Variants in CAPN13 observed in about 807,000 individuals in gnomAD.
CAPN13 encodes the protein calpain 13.
CAPN13 carries 90 observed loss-of-function variants against 98.4 expected under a neutral mutation model. That is an observed-to-expected ratio of 0.92 (90% CI 0.77 to 1.09). CAPN13 has a LOEUF of 1.09. CAPN13 is among the 50% of genes least tolerant of loss of function. The pLI is 0.00. For synonymous variants in CAPN13, 330 were observed against 305.5 expected (o/e 1.08, Z -0.84); for missense variants, 887 against 841.3 (o/e 1.05, Z -0.67).
intron 1 of CAPN13, among the ~76,000 whole-genome samples, chr2:30,799,855 C>T (rs1034389565): frequency 2.6e-5 from 4 of 152,052 alleles, no homozygotes; most frequent in African/African-American, 7.2e-5. Flanking sequence ...GGGCGGATCA[C>T]GAGGTCAGGA....
chr2:30,798,909 G>A (rs1209166230), intron 1 of CAPN13, among the ~76,000 whole-genome samples: 4 of 152,152 alleles, frequency 2.6e-5, no homozygotes, highest in Non-Finnish European at 5.9e-5. Context: ...GGGGGAAGGG[G>A]CCTGTGCACT....
At chr2:30,735,745 A>T (rs1281182001) in intron 18 of CAPN13, among the ~76,000 whole-genome samples, 1 of 152,220 alleles carries the variant, frequency 6.6e-6, no homozygotes, top group Non-Finnish European at 1.5e-5. Context: ...TAAACATGTT[A>T]TGAAAATATT....
intron 12 of CAPN13, chr2:30,745,225 A>T: frequency 2.1e-6 from 1 of 472,436 alleles, no homozygotes; most frequent in Non-Finnish European, 4.4e-6. Context: ...CCTTCCTCAT[A>T]TGGGCAAGTC....
At position 30,764,161 on chromosome 2, in the gene CAPN13, A is replaced by C; in HGVS notation, c.670T>G (p.Ser224Ala). 1 of 1,586,584 alleles carries C rather than the reference A, an allele frequency of 6.3e-7. No individual in the cohort carries two copies. The highest frequency in any genetic ancestry group is 1.3e-5 in the African/African-American group (1 of 74,558). Residue 224 changes from serine (S) to alanine (A), a missense_variant, in exon 6 of 23, where the codon TCC becomes GCC. Transcript: ENST00000295055. ...KAVKTATKAG[S>A]LITCATPSGP... ...CTTGGAGTGGCACAGGTTATCAGGG[A>C]GCCTGCCTTGGTCGCTGTCTTCACT...
intron 7 of CAPN13, among the ~76,000 whole-genome samples, chr2:30,759,072 TC>T (rs1427768038): frequency 3.5e-5 from 1 of 28,966 alleles, no homozygotes; most frequent in African/African-American, 1.6e-4. Context: ...CCCTCCCTCC[TC>T]CCTCCCTTCC....
At chr2:30,766,318 C>T (rs551072678) in intron 5 of CAPN13, among the ~76,000 whole-genome samples, 2 of 152,324 alleles carry the variant, frequency 1.3e-5, no homozygotes, top group South Asian at 2.1e-4. Context: ...GCAGTCACCT[C>T]GGAGTCACCC....
intron 12 of CAPN13, 58 bp from the exon 13 acceptor site, chr2:30,743,637 G>T: frequency 6.6e-7 from 1 of 1,520,550 alleles, no homozygotes; most frequent in Non-Finnish European, 9.1e-7. Context: ...ATGGACCCCA[G>T]TCACCAAGAA....
At chr2:30,725,974 C>T (rs1306849101) in intron 22 of CAPN13, among the ~76,000 whole-genome samples, 1 of 152,100 alleles carries the variant, frequency 6.6e-6, no homozygotes, top group African/African-American at 2.4e-5. Flanking sequence ...GCTAAAATAG[C>T]AGGAAGACTA....
In CAPN13 at chr2:30,738,309, C is replaced by G; in HGVS notation, c.1595-16G>C. On this transcript the variant is annotated splice_polypyrimidine_tract_variant and intron_variant, in intron 16 of 22. Transcript: ENST00000295055. The stretch of plus-strand genomic sequence containing the variant: ...CCTGGAGGTCCTGAGGAGAGAAGGA[C>G]AGGAAGGACTGAAGTGTTGACAGTG... The G allele has an allele frequency of 6.2e-7, 1 of 1,613,850 alleles. No homozygotes were observed. Among genetic ancestry groups the G allele is most frequent in the Non-Finnish European group, 8.5e-7 (1 of 1,179,850 alleles).
intron 2 of CAPN13, among the ~76,000 whole-genome samples, chr2:30,778,465 C>T (rs1362503681): frequency 1.3e-5 from 2 of 152,192 alleles, no homozygotes; most frequent in Admixed American, 1.3e-4. Flanking sequence ...AGGATGACCT[C>T]GGCCTCCTCT....
chr2:30,784,680 G>T (rs980243638), intron 2 of CAPN13, among the ~76,000 whole-genome samples: 1 of 152,172 alleles, frequency 6.6e-6, no homozygotes, highest in Non-Finnish European at 1.5e-5. Context: ...CATGTAACAT[G>T]GTGTTAGGAG....
chr2:30,752,518 A>T (rs1241821734), intron 10 of CAPN13, among the ~76,000 whole-genome samples: 1 of 152,202 alleles, frequency 6.6e-6, no homozygotes, highest in East Asian at 1.9e-4. Flanking sequence ...CAGCAGGGAC[A>T]TACCTGCCAA....
chr2:30,742,071 T>C, intron 14 of CAPN13, 107 bp from the exon 15 acceptor site: 1 of 1,106,846 alleles, frequency 9.0e-7, no homozygotes, highest in Admixed American at 2.1e-5. Context: ...AAAGAGTCTT[T>C]ATTGGGCAGT....
chr2:30,782,175 T>C (rs896389507), intron 2 of CAPN13, among the ~76,000 whole-genome samples: 2 of 152,148 alleles, frequency 1.3e-5, no homozygotes, highest in Non-Finnish European at 2.9e-5. Context: ...GACGGAGAAA[T>C]ATGCCAAGAA....
At chr2:30,739,923 CGGA>C (rs1053779860) in intron 15 of CAPN13, among the ~76,000 whole-genome samples, 1 of 152,030 alleles carries the variant, frequency 6.6e-6, no homozygotes. Context: ...TTGTAATGTC[CGGA>C]TGATGGGTAA....
intron 11 of CAPN13, chr2:30,746,598 TG>T: frequency 5.0e-6 from 1 of 199,062 alleles, no homozygotes; most frequent in Admixed American, 5.1e-5. Context: ...CCCATGCTTG[TG>T]GATAGATTTG....
chr2:30,730,217 T>G (rs959399581), intron 22 of CAPN13, among the ~76,000 whole-genome samples: 2 of 151,868 alleles, frequency 1.3e-5, no homozygotes, highest in Non-Finnish European at 2.9e-5. Context: ...TGAAAAAAAA[T>G]GTAGAGGAAA....
At chr2:30,784,076 A>G (rs1429658348) in intron 2 of CAPN13, among the ~76,000 whole-genome samples, 1 of 152,058 alleles carries the variant, frequency 6.6e-6, no homozygotes, top group Non-Finnish European at 1.5e-5. Flanking sequence ...GCTACTCAGG[A>G]GGCTGAGGCA....
chr2:30,758,501 C>T (rs1038007519), intron 7 of CAPN13, among the ~76,000 whole-genome samples: 1 of 152,194 alleles, frequency 6.6e-6, no homozygotes, highest in African/African-American at 2.4e-5. Context: ...CAGCCTCCTC[C>T]AAGCCCTGTC....
Sources: allele counts gnomAD v4.1 joint callset (sites outside exome capture counted in the v4.1 genomes callset), GRCh38; gene constraint gnomAD v4.1.1; transcripts MANE v1.5; gene names NCBI Gene and HGNC (gene_info 2026-07-23, HGNC 2026-07-21).